CELSR1: variants seen among roughly 807,000 people sequenced by gnomAD.
CELSR1 encodes the protein cadherin EGF LAG seven-pass G-type receptor 1, also known as adhesion G protein-coupled receptor C1.
CELSR1 carries 110 observed loss-of-function variants against 249.1 expected under a neutral mutation model. The ratio of observed to expected loss-of-function variants is 0.44; its 90% confidence interval spans 0.38 to 0.52. The LOEUF is 0.52. Ranked by LOEUF, CELSR1 falls within the 20% of genes least tolerant of loss-of-function variation. The pLI, the probability that CELSR1 is intolerant of heterozygous loss-of-function variation, is 0.00. For missense variants in CELSR1, 4,109 were observed against 4,296.4 expected, an observed-to-expected ratio of 0.96 and a Z score of 1.22; for synonymous variants, 2,113 against 1,900.0, an observed-to-expected ratio of 1.11 and a Z score of -2.92.
rs909912713 is a variant in CELSR1, at chr22:46,471,520, G to C, written c.3545-7175C>G. 2.0e-5 allele frequency among the ~76,000 whole-genome samples: 3 copies of C among 152,146 alleles called. No homozygotes were observed. The highest frequency in any genetic ancestry group is 7.2e-5 in the African/African-American group (3 of 41,446). On this transcript the variant is annotated intron_variant, in intron 1 of 34. Transcript: ENST00000674500. This position sits in a 1 kb window ranked among gnomAD's most constrained non-coding sequence, Gnocchi z 4.9. ...TCCTCCTGCCTCAGCCTCCTGAGAA[G>C]CTAGGACTACAGGAGCATGCCACCA... is the stretch of plus-strand genomic sequence containing the variant.
rs1244283683 is a variant in CELSR1, at chr22:46,380,878, G to A, written c.7166C>T (p.Pro2389Leu). Residue 2389 changes from proline to leucine, a missense_variant, in exon 22 of 35, where the codon CCC becomes CTC. Pro to Leu is a moderately conservative substitution (Grantham distance 98). Around this residue, in one of 7 missense-constraint regions of CELSR1, gnomAD observed 1,805 missense variants for 1,831.6 expected, o/e 0.99. Coordinates refer to ENST00000674500, the MANE Select transcript of CELSR1 (RefSeq NM_001378328.1). The surrounding 1 kb of genome is among the most constrained non-coding windows in gnomAD (Gnocchi z 5.1). ...CTCCACCAGGACGGGCCTCTCCAGG[G>A]GTCTCGGGAGCGGAGCCCCCTCGCT... is the stretch of plus-strand genomic sequence containing the variant. ...VYSEGAPLPR[P>L]LERPVLVEFA... The A allele has an allele frequency of 3.7e-6, 6 of 1,613,224 alleles. No homozygotes were observed. Among genetic ancestry groups the A allele is most frequent in the South Asian group, 2.2e-5 (2 of 91,068 alleles).
At chr22:46,499,159 G>A (rs1162130460) in intron 1 of CELSR1, among the ~76,000 whole-genome samples, 5 of 148,854 alleles carry the variant, frequency 3.4e-5, no homozygotes, top group Admixed American at 6.8e-5. Context: ...CAGCCTGGGC[G>A]ATAGAGTAAG....
rs775759019 is a variant in CELSR1, at chr22:46,464,185, C to T, written c.3705G>A (p.Leu1235=). ...ALFVEGVAAV[L]STTKDDVFVF... The stretch of plus-strand genomic sequence containing the variant: ...CGAAGACGTCGTCCTTGGTGGTGGA[C>T]AGCACGGCGGCCACCCCCTCCACGA... Residue 1235 remains leucine (L), a synonymous_variant, in exon 2 of 35, where the codon CTG becomes CTA. Coordinates refer to ENST00000674500, the MANE Select transcript of CELSR1 (RefSeq NM_001378328.1). This position sits in a 1 kb window ranked among gnomAD's most constrained non-coding sequence, Gnocchi z 8.5. 22 of 1,613,568 alleles carry T rather than the reference C, an allele frequency of 1.4e-5. No individual in the cohort carries two copies. The highest frequency in any genetic ancestry group is 1.6e-4 in the Middle Eastern group (1 of 6,084).
intron 1 of CELSR1, among the ~76,000 whole-genome samples, chr22:46,530,793 C>T (rs2080783598): frequency 1.3e-5 from 2 of 152,220 alleles, no homozygotes; most frequent in South Asian, 4.1e-4. Context: ...CCTTCCCAGG[C>T]CCTGCCCTCC....
At position 46,438,023 on chromosome 22, in the gene CELSR1, T is replaced by C. The variant is rs774642943; in HGVS notation, c.4406+1166A>G. ...CCCTTTGGACCCAGGTGGGGGCTGGTGGGCGGTGTCAGTGTCAAACAGTCC... is the reference window on the plus strand; with the variant it reads ...CCCTTTGGACCCAGGTGGGGGCTGGCGGGCGGTGTCAGTGTCAAACAGTCC... On this transcript the variant is annotated intron_variant, in intron 3 of 34. Coordinates refer to ENST00000674500, the MANE Select transcript of CELSR1 (RefSeq NM_001378328.1). Among the ~76,000 whole-genome samples the C allele has an allele frequency of 3.9e-4, 59 of 152,060 alleles. 3 individuals carry two copies. The highest frequency in any genetic ancestry group is 8.8e-5 in the Non-Finnish European group (6 of 68,008).
At chr22:46,489,550 C>T (rs1423200163) in intron 1 of CELSR1, among the ~76,000 whole-genome samples, 1 of 152,062 alleles carries the variant, frequency 6.6e-6, no homozygotes, top group East Asian at 1.9e-4. Context: ...AGAGACATGG[C>T]CCACACTTGG....
intron 2 of CELSR1, among the ~76,000 whole-genome samples, chr22:46,456,655 T>TC: frequency 1.1e-5 from 1 of 94,886 alleles, no homozygotes; most frequent in Non-Finnish European, 1.9e-5. Flanking sequence ...AGAGCGAGAC[T>TC]CTGTCTAAAA....
At position 46,526,598 on chromosome 22, in the gene CELSR1, C is replaced by A. The variant is rs1315077788; in HGVS notation, c.3544+7029G>T. ...GTCCCCAGGCTCTCCAACCGCCAGACGGCATCCATCACGGATGACCCCCTC... is the reference window on the plus strand; with the variant it reads ...GTCCCCAGGCTCTCCAACCGCCAGAAGGCATCCATCACGGATGACCCCCTC... On this transcript the variant is annotated intron_variant, in intron 1 of 34. Transcript: ENST00000674500. This position sits in a 1 kb window ranked among gnomAD's most constrained non-coding sequence, Gnocchi z 4.7. 1.3e-5 allele frequency among the ~76,000 whole-genome samples: 2 copies of A among 152,226 alleles called. No homozygotes were observed. The highest frequency in any genetic ancestry group is 6.5e-5 in the Admixed American group (1 of 15,288).
At chr22:46,367,969 C>T (rs1468708445) in intron 27 of CELSR1, 114 bp from the exon 28 acceptor site, 46 of 1,380,370 alleles carry the variant, frequency 3.3e-5, no homozygotes, top group African/African-American at 1.0e-4. Context: ...TCTATCTGTC[C>T]GTCCACCTGT....
At chr22:46,463,045 T>G in intron 2 of CELSR1, 1 of 341,086 alleles carries the variant, frequency 2.9e-6, no homozygotes, top group Non-Finnish European at 5.9e-6. Flanking sequence ...ATAAAGTACT[T>G]TCACCTGAGG....
rs758732423 is a variant in CELSR1 at position 46,397,754 on chromosome 22, T to C, written c.5621A>G (p.Asp1874Gly). 15 of 1,596,212 alleles carry C rather than the reference T, an allele frequency of 9.4e-6. No homozygotes were observed. The highest frequency in any genetic ancestry group is 4.0e-5 in the African/African-American group (3 of 74,188). ...VRVKDGCDVD[D>G]PCTSSPCPPN... ...GGGACAGGGGCTCGAGGTACAGGGG[T>C]CGTCCACATCACAGCCGTCCTTCAC... Residue 1874 changes from aspartate to glycine, a missense_variant, in exon 12 of 35, where the codon GAC (aspartate) becomes GGC (glycine). Coordinates refer to ENST00000674500, the MANE Select transcript of CELSR1 (RefSeq NM_001378328.1).
rs1246388201 is a variant in CELSR1 at position 46,428,364 on chromosome 22, A to C, written c.4611+5029T>G. The stretch of plus-strand genomic sequence containing the variant: ...GCATGGCGATCGCGACCAGCACAGC[A>C]TCGTCCCCGGCCAGGTGACGGATGC... On this transcript the variant is annotated intron_variant, in intron 5 of 34. Transcript: ENST00000674500. The surrounding 1 kb of genome is among the most constrained non-coding windows in gnomAD (Gnocchi z 5.7). Among the ~76,000 whole-genome samples, 1 of 152,202 alleles carries C rather than the reference A, an allele frequency of 6.6e-6. No homozygotes were observed. Among genetic ancestry groups the C allele is most frequent in the Non-Finnish European group, 1.5e-5 (1 of 68,030 alleles).
Position 46,535,370 on chromosome 22 carries a change from G to A in CELSR1, c.1801C>T (p.His601Tyr), listed in dbSNP as rs200063928. 1.1e-5 allele frequency: 17 copies of A among 1,611,988 alleles called. No individual in the cohort carries two copies. Among genetic ancestry groups the A allele is most frequent in the Non-Finnish European group, 1.4e-5 (17 of 1,179,638 alleles). ...GAGGCCGTGTCCACCAGGCGATAGT[G>A]CAGCCGGGCGTTCTCTCCAGAGTCC... ...DADSGENARL[H>Y]YRLVDTASTF... The change falls in exon 1 of 35, where the codon CAC (histidine) becomes TAC (tyrosine). Residue 601 changes from histidine (H) to tyrosine (Y), a missense_variant. Physicochemically the swap from His to Tyr is moderately conservative, Grantham distance 83. This residue lies in a region of CELSR1 where 886 missense variants were observed against 896.5 expected (regional missense o/e 0.99). Transcript: ENST00000674500.
intron 25 of CELSR1, among the ~76,000 whole-genome samples, chr22:46,370,978 C>A (rs1292012961): frequency 6.6e-6 from 1 of 152,254 alleles, no homozygotes; most frequent in East Asian, 1.9e-4. Flanking sequence ...GAGACCTGCT[C>A]CGCCTGGACA....
At chr22:46,509,962 G>C (rs923637732) in intron 1 of CELSR1, among the ~76,000 whole-genome samples, 3 of 152,226 alleles carry the variant, frequency 2.0e-5, no homozygotes, top group Non-Finnish European at 4.4e-5. Flanking sequence ...CAGGTGACAA[G>C]GCTGGGGACT....
chr22:46,457,137 G>A (rs2079964780), intron 2 of CELSR1, among the ~76,000 whole-genome samples: 2 of 152,306 alleles, frequency 1.3e-5, no homozygotes, highest in Admixed American at 1.3e-4. Context: ...AGAAGGTCAG[G>A]AGTTCGAGAA....
chr22:46,484,034 C>T lies in CELSR1; in HGVS notation c.3545-19689G>A, dbSNP rs191633478. 2.0e-4 allele frequency among the ~76,000 whole-genome samples: 31 copies of T among 152,342 alleles called. No homozygotes were observed. Among genetic ancestry groups the T allele is most frequent in the Admixed American group, 1.1e-3 (17 of 15,306 alleles). On this transcript the variant is annotated intron_variant, in intron 1 of 34. Transcript: ENST00000674500. The surrounding 1 kb of genome is among the most constrained non-coding windows in gnomAD (Gnocchi z 4.5). The stretch of plus-strand genomic sequence containing the variant: ...TAAAGGAGCACAACTGTCAATTTCA[C>T]GGAGCACAGAACATTCCCAGGCTCC...
rs1355883114 is a variant in CELSR1 at position 46,408,498 on chromosome 22, A to T, written c.5226+498T>A. Among the ~76,000 whole-genome samples the T allele has an allele frequency of 6.6e-6, 1 of 151,944 alleles. No homozygotes were observed. The highest frequency in any genetic ancestry group is 1.5e-5 in the Non-Finnish European group (1 of 67,952). ...AGGCCCCCACTACCAAGCCTGGCTA[A>T]TTTTTTTTGTATTTTTAGTAGAGAT... On this transcript the variant is annotated intron_variant, in intron 9 of 34. Coordinates refer to ENST00000674500, the MANE Select transcript of CELSR1 (RefSeq NM_001378328.1). The surrounding 1 kb of genome is among the most constrained non-coding windows in gnomAD (Gnocchi z 4.6).
intron 1 of CELSR1, among the ~76,000 whole-genome samples, chr22:46,509,888 T>C (rs1305485985): frequency 6.6e-6 from 1 of 152,164 alleles, no homozygotes; most frequent in Admixed American, 6.5e-5. Context: ...CAAGATGTCA[T>C]GATGCGTCCA....
Sources: gnomAD v4.1 joint callset for allele counts (sites outside exome capture counted in the v4.1 genomes callset) on GRCh38, gnomAD v4.1.1 for gene constraint, gnomAD v4.1.1 regional missense constraint, Gnocchi (gnomAD v3.1) non-coding constraint, MANE v1.5 for transcripts, NCBI Gene and HGNC (gene_info 2026-07-23, HGNC 2026-07-21) for gene names.